Variants in PLXDC2 observed in about 807,000 individuals in gnomAD.
PLXDC2 encodes plexin domain-containing protein 2.
Under a neutral mutation model 68.9 loss-of-function variants are expected in PLXDC2, and 40 were observed. The ratio of observed to expected loss-of-function variants is 0.58; its 90% confidence interval spans 0.45 to 0.76. The LOEUF is 0.76. Ranked by LOEUF, PLXDC2 falls within the 30% of genes least tolerant of loss-of-function variation. PLXDC2 has a pLI of 0.00. For synonymous variants in PLXDC2, 243 were observed against 234.2 expected (o/e 1.04, Z -0.34); for missense variants, 644 against 661.9 (o/e 0.97, Z 0.30).
chr10:20,055,948 A>T (rs1182523022), intron 3 of PLXDC2, among the ~76,000 whole-genome samples: 1 of 152,126 alleles, frequency 6.6e-6, no homozygotes, highest in African/African-American at 2.4e-5. Context: ...TAAGAAACAG[A>T]TGTACATTCC....
At chr10:20,124,540 G>A (rs968454602) in intron 4 of PLXDC2, among the ~76,000 whole-genome samples, 10 of 152,258 alleles carry the variant, frequency 6.6e-5, no homozygotes, top group East Asian at 3.9e-4. Flanking sequence ...AATTTCCTGC[G>A]TGTCTGAGTG....
intron 7 of PLXDC2, among the ~76,000 whole-genome samples, chr10:20,166,628 A>G (rs1322447830): frequency 6.6e-6 from 1 of 152,076 alleles, no homozygotes; most frequent in Non-Finnish European, 1.5e-5. Context: ...GCTTTTTTTA[A>G]TTGCTGAAAA....
chr10:19,963,560 C>G (rs1034167237), intron 1 of PLXDC2, among the ~76,000 whole-genome samples: 1 of 152,056 alleles, frequency 6.6e-6, no homozygotes, highest in African/African-American at 2.4e-5. Context: ...AACTGGAAAC[C>G]ATCATTCTCA....
At chr10:19,864,400 A>T (rs1837376622) in intron 1 of PLXDC2, among the ~76,000 whole-genome samples, 1 of 152,170 alleles carries the variant, frequency 6.6e-6, no homozygotes, top group Non-Finnish European at 1.5e-5. Context: ...CACTTCTTAG[A>T]TGAATTCTGA....
chr10:20,056,654 A>G (rs1052778269), intron 3 of PLXDC2, among the ~76,000 whole-genome samples: 1 of 152,208 alleles, frequency 6.6e-6, no homozygotes, highest in Admixed American at 6.5e-5. Context: ...TCTTTTGCAT[A>G]TAACAAACCT....
At chr10:19,925,747 G>T (rs905041825) in intron 1 of PLXDC2, among the ~76,000 whole-genome samples, 21 of 152,184 alleles carry the variant, frequency 1.4e-4, no homozygotes, top group African/African-American at 5.1e-4. Context: ...TGACTTTTCT[G>T]TTTAGAATCT....
chr10:20,038,001 C>T (rs112085344), intron 2 of PLXDC2, among the ~76,000 whole-genome samples: 2,690 of 152,176 alleles, frequency 0.018, 76 homozygotes, highest in African/African-American at 0.061. Context: ...TCCCAGCACG[C>T]TGGGAGGCTG....
At chr10:20,234,342 A>G (rs1409914631) in intron 12 of PLXDC2, among the ~76,000 whole-genome samples, 1 of 152,192 alleles carries the variant, frequency 6.6e-6, no homozygotes, top group Non-Finnish European at 1.5e-5. Context: ...TCCACATTCA[A>G]GACATACAGC....
intron 6 of PLXDC2, among the ~76,000 whole-genome samples, chr10:20,162,026 A>G (rs559413992): frequency 7.1e-5 from 5 of 70,054 alleles, no homozygotes; most frequent in African/African-American, 3.1e-4. Flanking sequence ...CTGTCAGAAA[A>G]AGAAAGAAAG....
intron 13 of PLXDC2, among the ~76,000 whole-genome samples, chr10:20,252,438 C>T (rs183472506): frequency 6.6e-6 from 1 of 152,124 alleles, no homozygotes; most frequent in Admixed American, 6.6e-5. Context: ...CTTAAATGGA[C>T]ACTAGACACT....
intron 1 of PLXDC2, among the ~76,000 whole-genome samples, chr10:19,878,454 G>A (rs1837673646): frequency 6.6e-6 from 1 of 152,082 alleles, no homozygotes; most frequent in South Asian, 2.1e-4. Context: ...AAACATTAAG[G>A]TTGCAAATTC....
intron 3 of PLXDC2, among the ~76,000 whole-genome samples, chr10:20,061,196 A>C (rs1836096965): frequency 6.6e-6 from 1 of 152,200 alleles, no homozygotes; most frequent in Admixed American, 6.5e-5. Context: ...AATTGTCAGC[A>C]AATTATTTTT....
intron 4 of PLXDC2, among the ~76,000 whole-genome samples, chr10:20,097,636 A>T (rs1271298633): frequency 3.9e-5 from 6 of 152,122 alleles, no homozygotes; most frequent in African/African-American, 1.4e-4. Context: ...ACCCGGTAAG[A>T]TATCAACAAC....
At chr10:20,167,410 A>T (rs1033274691) in intron 7 of PLXDC2, among the ~76,000 whole-genome samples, 3 of 152,168 alleles carry the variant, frequency 2.0e-5, no homozygotes, top group African/African-American at 7.2e-5. Flanking sequence ...GTGAGAAATA[A>T]GTTGATTCCT....
At chr10:19,994,312 A>ATTTT (rs869124443) in intron 1 of PLXDC2, among the ~76,000 whole-genome samples, 5 of 34,326 alleles carry the variant, frequency 1.5e-4, no homozygotes, top group African/African-American at 5.0e-4. Flanking sequence ...ACATGATTAA[A>ATTTT]TTTTTTTTTT....
At chr10:20,232,718 G>T (rs760593397) in intron 12 of PLXDC2, among the ~76,000 whole-genome samples, 1 of 152,172 alleles carries the variant, frequency 6.6e-6, no homozygotes, top group Non-Finnish European at 1.5e-5. Context: ...TTGCCTATGC[G>T]GTGTTGGTCG....
chr10:19,890,433 A>G (rs985107925), intron 1 of PLXDC2, among the ~76,000 whole-genome samples: 2 of 150,858 alleles, frequency 1.3e-5, no homozygotes, highest in African/African-American at 2.4e-5. Context: ...CTCAGTGCCT[A>G]TTGTTGCCAT....
At chr10:20,164,206 T>A (rs186450394) in intron 6 of PLXDC2, among the ~76,000 whole-genome samples, 150 of 152,300 alleles carry the variant, frequency 9.8e-4, no homozygotes, top group Middle Eastern at 3.4e-3. Context: ...ATCAATTATA[T>A]TATCTGAGAA....
At chr10:20,098,457 G>A (rs1810152674) in intron 4 of PLXDC2, among the ~76,000 whole-genome samples, 2 of 151,858 alleles carry the variant, frequency 1.3e-5, no homozygotes, top group African/African-American at 2.4e-5. Flanking sequence ...GGGCCACCTA[G>A]AGAATCCAGG....
Sources: allele counts gnomAD v4.1 joint callset (sites outside exome capture counted in the v4.1 genomes callset), GRCh38; gene constraint gnomAD v4.1.1; transcripts MANE v1.5; gene names NCBI Gene and HGNC (gene_info 2026-07-23, HGNC 2026-07-21).